The following NOP56 variants were observed in gnomAD, a reference collection of about 807,000 sequenced individuals.
NOP56 encodes the protein nucleolar protein 56.
Under a neutral mutation model 58.3 loss-of-function variants are expected in NOP56, and 31 were observed. That is an observed-to-expected ratio of 0.53 (90% CI 0.40 to 0.72). The LOEUF (loss-of-function observed/expected upper bound fraction) is 0.72, where lower values mean the gene tolerates loss of function less well. Among genes scored for constraint, NOP56 ranks in the 30% least tolerant of loss-of-function variants. The probability of loss-of-function intolerance (pLI) is 0.00; values close to 1 mark genes in which losing one functional copy is unlikely to be tolerated. For synonymous variants in NOP56, 313 were observed against 282.8 expected (o/e 1.11, Z -1.07); for missense variants, 669 against 739.9 (o/e 0.90, Z 1.11).
Position 2,652,686 on chromosome 20 carries a change from G to A in NOP56, c.3+23G>A, listed in dbSNP as rs747157189. The A allele has an allele frequency of 7.9e-6, 11 of 1,387,112 alleles. No individual in the cohort carries two copies. In the Admixed American group the frequency reaches 9.9e-5, roughly 12 times the overall value. 85.9% of individuals were successfully genotyped at this position (1,387,112 alleles called of 1,614,324 possible). On this transcript the variant is annotated intron_variant, in intron 1 of 11. Coordinates refer to ENST00000329276, the MANE Select transcript of NOP56 (RefSeq NM_006392.4). ...ATGGTGAGGAGTGGTTGCGGGGCGC[G>A]GGCGACGCGACGGTGGGGGTTTCGG...
chr20:2,654,249 C>T (rs752260644), intron 3 of NOP56, 165 bp from the exon 4 acceptor site: 1 of 808,712 alleles, frequency 1.2e-6, no homozygotes, highest in East Asian at 2.4e-5. Flanking sequence ...TGTCAATCCC[C>T]TGAGTGCAAT....
rs888080663 is a variant in NOP56, at chr20:2,653,276, C to G, written c.94-3C>G. The G allele has an allele frequency of 1.2e-6, 2 of 1,611,044 alleles. No individual in the cohort carries two copies. The highest frequency in any genetic ancestry group is 2.2e-5 in the East Asian group (1 of 44,858). ...AAACCACTTAGCCTCTTTCTCCCCC[C>G]AGGTGGAGGAGTCTGTGCTCAACCT... On this transcript the variant is annotated splice_polypyrimidine_tract_variant and splice_region_variant and intron_variant, in intron 2 of 11. Transcript: ENST00000329276.
At chr20:2,657,708 G>GTTT (rs35964304) in intron 11 of NOP56, 26 of 485,698 alleles carry the variant, frequency 5.4e-5, no homozygotes, top group East Asian at 2.3e-4. Context: ...TGTTTTTTAG[G>GTTT]TTTTTTTTTT....
Position 2,655,687 on chromosome 20 carries a change from T to TAA in NOP56, c.851_852insAA (p.Tyr284Ter). The change falls in exon 7 of 12, where the codon TAC (tyrosine) becomes TAAAC (stop). Residue 284 changes from tyrosine (Y) to a stop codon, truncating the protein, a stop_gained and frameshift_variant. Coordinates refer to ENST00000329276, the MANE Select transcript of NOP56 (RefSeq NM_006392.4). LOFTEE classifies it high-confidence loss of function. ...TGAATACCGCCAGAGCCTACACACT[T>TAA]ACCTGCGCTCCAAGATGAGCCAAGT... The part of the protein sequence containing the change: ...LSEYRQSLHT[Y>*]LRSKMSQVAP... The TAA allele has an allele frequency of 6.2e-7, 1 of 1,614,168 alleles. No homozygotes were observed. The highest frequency in any genetic ancestry group is 8.5e-7 in the Non-Finnish European group (1 of 1,180,020).
chr20:2,656,274 G>A (rs754076358), intron 8 of NOP56, 127 bp from the exon 9 acceptor site: 13 of 1,605,046 alleles, frequency 8.1e-6, no homozygotes, highest in Non-Finnish European at 7.6e-6. Flanking sequence ...CATGCATTGG[G>A]GTAGAGATCC....
Position 2,653,259 on chromosome 20 carries a change from T to C in NOP56, c.94-20T>C, listed in dbSNP as rs199575631. 90 of 1,591,266 alleles carry C rather than the reference T, an allele frequency of 5.7e-5. No homozygotes were observed. The African/African-American group carries it at 1.1e-3, about 20-fold the overall frequency. On this transcript the variant is annotated intron_variant, in intron 2 of 11. Coordinates refer to ENST00000329276, the MANE Select transcript of NOP56 (RefSeq NM_006392.4). Reference sequence around the variant, plus strand: ...GCAGGAGGGAGGGAAGGAAACCACTTAGCCTCTTTCTCCCCCCAGGTGGAG... The same window carrying C: ...GCAGGAGGGAGGGAAGGAAACCACTCAGCCTCTTTCTCCCCCCAGGTGGAG...
At chr20:2,657,418 T>G in intron 11 of NOP56, 200 bp downstream of exon 11, 1 of 811,278 alleles carries the variant, frequency 1.2e-6, no homozygotes, top group Non-Finnish European at 2.1e-6. Context: ...GAGAGCTGGT[T>G]GTAGCTCACA....
chr20:2,658,386 T>G lies in NOP56; in HGVS notation c.*92T>G. Reference sequence around the variant, plus strand: ...GCCGTGTTCCCCAATAAAAACAAATTCACAAGAGTTGGTTCATGTTCTTTA... The same window carrying G: ...GCCGTGTTCCCCAATAAAAACAAATGCACAAGAGTTGGTTCATGTTCTTTA... On this transcript the variant is annotated 3_prime_UTR_variant, in exon 12 of 12. Coordinates refer to ENST00000329276, the MANE Select transcript of NOP56 (RefSeq NM_006392.4). 1 of 1,611,194 alleles carries G rather than the reference T, an allele frequency of 6.2e-7. No homozygotes were observed. Among genetic ancestry groups the G allele is most frequent in the Non-Finnish European group, 8.5e-7 (1 of 1,178,716 alleles).
intron 2 of NOP56, 34 bp downstream of exon 2, chr20:2,652,965 C>G (rs753071185): frequency 9.1e-6 from 14 of 1,536,222 alleles, no homozygotes; most frequent in Non-Finnish European, 1.2e-5. Flanking sequence ...TTGGCGGCCC[C>G]GCAGACCCTC....
Position 2,656,489 on chromosome 20 carries a change from C to T in NOP56, c.1099C>T (p.Arg367Cys), listed in dbSNP as rs751908488. Reference protein sequence around the residue: ...IGRAAAKNKGRISRYLANKCS... With the variant: ...IGRAAAKNKGCISRYLANKCS... ...CCGAGCAGCTGCCAAGAACAAAGGC[C>T]GCATCTCCCGATACCTGGCAAACAA... is the stretch of plus-strand genomic sequence containing the variant. The change falls in exon 9 of 12, where the codon CGC (arginine) becomes TGC (cysteine). Residue 367 changes from arginine (R) to cysteine (C), a missense_variant. By Grantham distance (180) the Arg-to-Cys change is radical. Transcript: ENST00000329276. 16 of 1,613,964 alleles carry T rather than the reference C, an allele frequency of 9.9e-6. No individual in the cohort carries two copies. Among genetic ancestry groups the T allele is most frequent in the Non-Finnish European group, 1.3e-5 (15 of 1,180,026 alleles).
chr20:2,652,665 T>G lies in NOP56; in HGVS notation c.3+2T>G. ...CCGAACCCGGGAGCTGGCGCCATGG[T>G]GAGGAGTGGTTGCGGGGCGCGGGCG... On this transcript the variant is annotated splice_donor_variant, in intron 1 of 11. Coordinates refer to ENST00000329276, the MANE Select transcript of NOP56 (RefSeq NM_006392.4). LOFTEE classifies it high-confidence loss of function. 1.4e-6 allele frequency: 2 copies of G among 1,454,198 alleles called. No homozygotes were observed. The highest frequency in any genetic ancestry group is 9.0e-7 in the Non-Finnish European group (1 of 1,112,592). The allele number at this position is 1,454,198 out of a possible 1,614,324, so 90.1% of individuals were successfully genotyped here. A position where few individuals can be genotyped will look rare whatever the true frequency, so the allele number is the denominator to read the frequency against.
At chr20:2,655,237 G>T in intron 5 of NOP56, 88 bp from the exon 6 acceptor site, 1 of 1,477,124 alleles carries the variant, frequency 6.8e-7, no homozygotes, top group Non-Finnish European at 9.5e-7. Context: ...ATTTCCTCCA[G>T]GCAGAGTAGG....
chr20:2,656,053 G>A lies in NOP56; in HGVS notation c.1010+19G>A, dbSNP rs374588380. 1.9e-6 allele frequency: 3 copies of A among 1,613,970 alleles called. No homozygotes were observed. Among genetic ancestry groups the A allele is most frequent in the African/African-American group, 2.7e-5 (2 of 74,936 alleles). ...TGTTCAGGTACCAGTGAGGGCACCTGCCCACAATCAGGTGCCACTTCTGGT... is the reference window on the plus strand; with the variant it reads ...TGTTCAGGTACCAGTGAGGGCACCTACCCACAATCAGGTGCCACTTCTGGT... On this transcript the variant is annotated intron_variant, in intron 8 of 11. Transcript: ENST00000329276.
chr20:2,655,078 G>GCTTA (rs760352004), intron 5 of NOP56, 131 bp downstream of exon 5: 1 of 1,174,686 alleles, frequency 8.5e-7, no homozygotes, highest in Non-Finnish European at 1.3e-6. Flanking sequence ...GCCTCCTGGT[G>GCTTA]CTTACCACAG....
chr20:2,657,230 G>A lies in NOP56; in HGVS notation c.1419+12G>A, dbSNP rs770334071. 1.9e-6 allele frequency: 3 copies of A among 1,613,870 alleles called. No homozygotes were observed. The highest frequency in any genetic ancestry group is 2.5e-6 in the Non-Finnish European group (3 of 1,179,894). ...CAGAGGAGTGTGAGGTCAGTAGGCA[G>A]CACGGCCCTGGCAGAGATCCTAGGT... On this transcript the variant is annotated intron_variant, in intron 11 of 11. Transcript: ENST00000329276.
rs540920549 is a variant in NOP56 at position 2,658,364 on chromosome 20, G to C, written c.*70G>C. ...AAGGTGACATTTCCCACCCTGTGCC[G>C]TGTTCCCCAATAAAAACAAATTCAC... On this transcript the variant is annotated 3_prime_UTR_variant, in exon 12 of 12. Coordinates refer to ENST00000329276, the MANE Select transcript of NOP56 (RefSeq NM_006392.4). The C allele has an allele frequency of 1.9e-6, 3 of 1,606,862 alleles. No individual in the cohort carries two copies. The highest frequency in any genetic ancestry group is 2.5e-6 in the Non-Finnish European group (3 of 1,176,616).
intron 8 of NOP56, 129 bp downstream of exon 8, chr20:2,656,163 G>GTCCTGGTGTCTGAGTGAT: frequency 6.2e-7 from 1 of 1,608,804 alleles, no homozygotes; most frequent in Non-Finnish European, 8.5e-7. Flanking sequence ...GTGATGGCCA[G>GTCCTGGTGTCTGAGTGAT]TCCTGGTGTC....
Position 2,654,301 on chromosome 20 carries a change from G to A in NOP56, c.209-113G>A, listed in dbSNP as rs1257347074. The A allele has an allele frequency of 2.9e-6, 3 of 1,036,702 alleles. No individual in the cohort carries two copies. In the East Asian group the frequency reaches 7.1e-5, roughly 25 times the overall value. The allele number at this position is 1,036,702 out of a possible 1,614,324, so 64.2% of individuals were successfully genotyped here. On this transcript the variant is annotated intron_variant, in intron 3 of 11. Coordinates refer to ENST00000329276, the MANE Select transcript of NOP56 (RefSeq NM_006392.4). ...TCTCTGAGCAATGCCTGATGGGGAGGGATCTAGGTATGCCATCCCAGCGTG... is the reference window on the plus strand; with the variant it reads ...TCTCTGAGCAATGCCTGATGGGGAGAGATCTAGGTATGCCATCCCAGCGTG...
At chr20:2,653,748 T>A (rs2086781112) in intron 3 of NOP56, 1 of 245,124 alleles carries the variant, frequency 4.1e-6, no homozygotes, top group Admixed American at 5.0e-5. Context: ...GCCTCCCTGG[T>A]TCAGGCGATT....
Sources: gnomAD v4.1 joint callset for allele counts on GRCh38, gnomAD v4.1.1 for gene constraint, MANE v1.5 for transcripts, NCBI Gene and HGNC (gene_info 2026-07-23, HGNC 2026-07-21) for gene names.